Variants in SGCZ observed in about 807,000 individuals in gnomAD.
SGCZ encodes zeta-sarcoglycan.
A neutral mutation model predicts 41.3 loss-of-function variants in SGCZ; 40 were observed. The observed-to-expected ratio is 0.97, with a 90% confidence interval of 0.75 to 1.26. The LOEUF (loss-of-function observed/expected upper bound fraction) is 1.26, where lower values mean the gene tolerates loss of function less well. SGCZ is among the 50% of genes most tolerant of loss of function. The probability of loss-of-function intolerance (pLI) is 0.00; values close to 1 mark genes in which losing one functional copy is unlikely to be tolerated. For missense variants in SGCZ, 552 were observed against 369.8 expected (o/e 1.49, Z -4.04); for synonymous variants, 206 against 137.5 (o/e 1.50, Z -3.49).
chr8:14,808,668 G>A (rs1360529836), intron 1 of SGCZ, among the ~76,000 whole-genome samples: 2 of 152,122 alleles, frequency 1.3e-5, no homozygotes, highest in Non-Finnish European at 2.9e-5. Context: ...GGAAGTCAGT[G>A]TGGCGATTCC....
At chr8:14,565,082 A>T (rs2117216007) in intron 1 of SGCZ, among the ~76,000 whole-genome samples, 1 of 152,284 alleles carries the variant, frequency 6.6e-6, no homozygotes, top group African/African-American at 2.4e-5. Context: ...CTGCCTCTTG[A>T]GACAGGAAAT....
intron 1 of SGCZ, among the ~76,000 whole-genome samples, chr8:14,932,893 C>T: frequency 6.6e-6 from 1 of 152,050 alleles, no homozygotes; most frequent in Non-Finnish European, 1.5e-5. Flanking sequence ...GGTAAGTAAG[C>T]ACTAAATCTG....
rs1161022189 is a variant in SGCZ, at chr8:14,095,842, C to T, written c.745-5205G>A. On this transcript the variant is annotated intron_variant, in intron 7 of 7. Coordinates refer to ENST00000382080, the MANE Select transcript of SGCZ (RefSeq NM_139167.4). ...ACATCCCTTGTAAGTTTTATTCCTA[C>T]GTATTTCATTCTCTTTGTAGCACTT... 8.5e-5 allele frequency among the ~76,000 whole-genome samples: 13 copies of T among 152,050 alleles called. 1 individual carries two copies. The highest frequency in any genetic ancestry group is 6.2e-4 in the South Asian group (3 of 4,816).
chr8:14,518,722 C>T (rs1407932019), intron 2 of SGCZ, among the ~76,000 whole-genome samples: 1 of 151,834 alleles, frequency 6.6e-6, no homozygotes, highest in Admixed American at 6.6e-5. Context: ...TGGTAAAAGA[C>T]ATGCTATCCT....
rs1202995151 is a variant in SGCZ, at chr8:14,089,068, A to C, written c.*1375T>G. Among the ~76,000 whole-genome samples, 1 of 152,140 alleles carries C rather than the reference A, an allele frequency of 6.6e-6. No homozygotes were observed. Among genetic ancestry groups the C allele is most frequent in the Non-Finnish European group, 1.5e-5 (1 of 67,932 alleles). ...CAGTTTTACATTCTTTGACTCTGTA[A>C]GTTTCAAGAGTTTGAGTTAAGGGGT... On this transcript the variant is annotated 3_prime_UTR_variant, in exon 8 of 8. Transcript: ENST00000382080.
At chr8:14,199,067 C>G (rs1805371012) in intron 4 of SGCZ, among the ~76,000 whole-genome samples, 1 of 152,146 alleles carries the variant, frequency 6.6e-6, no homozygotes, top group Admixed American at 6.5e-5. Context: ...GTTCAGGGAA[C>G]AAGGGAGATA....
At chr8:15,233,692 G>C (rs1035522078) in intron 1 of SGCZ, among the ~76,000 whole-genome samples, 1 of 151,760 alleles carries the variant, frequency 6.6e-6, no homozygotes, top group Non-Finnish European at 1.5e-5. Flanking sequence ...TTGAAAAGTT[G>C]TTTTATGTGT....
intron 1 of SGCZ, among the ~76,000 whole-genome samples, chr8:14,784,654 G>A (rs1800697122): frequency 6.6e-6 from 1 of 151,346 alleles, no homozygotes; most frequent in South Asian, 2.1e-4. Flanking sequence ...AAGCACTTTG[G>A]GAGGCCAAGG....
chr8:14,658,876 G>A (rs944444217), intron 1 of SGCZ, among the ~76,000 whole-genome samples: 1 of 151,072 alleles, frequency 6.6e-6, no homozygotes, highest in Middle Eastern at 3.2e-3. Flanking sequence ...GAAAAAAAGA[G>A]AAAAGAAGAA....
rs139237556 is a variant in SGCZ, at chr8:14,638,729, A to G, written c.40-83803T>C. On this transcript the variant is annotated intron_variant, in intron 1 of 7. Coordinates refer to ENST00000382080, the MANE Select transcript of SGCZ (RefSeq NM_139167.4). The stretch of plus-strand genomic sequence containing the variant: ...CTCAGCTCCTCCACCCATTGTAGAG[A>G]AGTGAGCAATCCTTTATTGTGCTCC... Among the ~76,000 whole-genome samples the G allele has an allele frequency of 4.7e-3, 709 of 151,896 alleles. 3 individuals carry two copies. The highest frequency in any genetic ancestry group is 0.016 in the African/African-American group (665 of 41,502).
chr8:15,010,856 C>T (rs369870044), intron 1 of SGCZ, among the ~76,000 whole-genome samples: 1 of 152,262 alleles, frequency 6.6e-6, no homozygotes, highest in East Asian at 1.9e-4. Context: ...ACACGACGTG[C>T]CAAACAATAA....
intron 1 of SGCZ, among the ~76,000 whole-genome samples, chr8:15,229,610 G>T (rs1343737181): frequency 6.6e-6 from 1 of 152,176 alleles, no homozygotes; most frequent in Admixed American, 6.5e-5. Context: ...TTGAAGGCTA[G>T]AACATGATTC....
chr8:14,434,270 T>A (rs1384083326), intron 2 of SGCZ, among the ~76,000 whole-genome samples: 14 of 152,190 alleles, frequency 9.2e-5, no homozygotes. Flanking sequence ...AAAGATCAGT[T>A]GGCTGTAAGC....
chr8:15,113,597 C>A (rs922951251), intron 1 of SGCZ, among the ~76,000 whole-genome samples: 2 of 152,180 alleles, frequency 1.3e-5, no homozygotes, highest in African/African-American at 4.8e-5. Flanking sequence ...CATGTCTCTT[C>A]GGCATGAACT....
chr8:15,130,342 T>C (rs191151965), intron 1 of SGCZ, among the ~76,000 whole-genome samples: 1 of 152,288 alleles, frequency 6.6e-6, no homozygotes, highest in Non-Finnish European at 1.5e-5. Context: ...CTTGGTGCAA[T>C]GGCCCACATA....
At chr8:14,745,076 T>C (rs139479033) in intron 1 of SGCZ, among the ~76,000 whole-genome samples, 1 of 152,304 alleles carries the variant, frequency 6.6e-6, no homozygotes, top group African/African-American at 2.4e-5. Context: ...CATCAACAAT[T>C]TTTCATCCTC....
chr8:14,909,638 T>A (rs949619381), intron 1 of SGCZ, among the ~76,000 whole-genome samples: 4 of 152,132 alleles, frequency 2.6e-5, no homozygotes, highest in Non-Finnish European at 4.4e-5. Context: ...GTAAATAATA[T>A]GTCAAATTTT....
rs184829876 is a variant in SGCZ at position 15,163,208 on chromosome 8, T to A, written c.39+74377A>T. ...TTACTGGCTTATACTTATATAACAT[T>A]TATCATGTGTCGGCCACCGTTTTAA... On this transcript the variant is annotated intron_variant, in intron 1 of 7. Transcript: ENST00000382080. Among the ~76,000 whole-genome samples, 303 of 152,326 alleles carry A rather than the reference T, an allele frequency of 2.0e-3. 3 individuals carry two copies. The highest frequency in any genetic ancestry group is 1.7e-3 in the East Asian group (9 of 5,180).
chr8:14,333,551 T>C (rs1477797855), intron 2 of SGCZ, among the ~76,000 whole-genome samples: 1 of 152,114 alleles, frequency 6.6e-6, no homozygotes, highest in Non-Finnish European at 1.5e-5. Context: ...CAAATAAATT[T>C]AGAAAACCAT....
Sources: gnomAD v4.1 joint callset for allele counts (sites outside exome capture counted in the v4.1 genomes callset) on GRCh38, gnomAD v4.1.1 for gene constraint, MANE v1.5 for transcripts, NCBI Gene and HGNC (gene_info 2026-07-23, HGNC 2026-07-21) for gene names.